Variants in DLGAP2 observed in about 807,000 individuals in gnomAD.
DLGAP2 encodes disks large-associated protein 2.
In DLGAP2, 26 loss-of-function variants were observed where a neutral mutation model predicts 100.3. The ratio of observed to expected loss-of-function variants is 0.26; its 90% CI spans 0.19 to 0.36. The LOEUF is 0.36. Ranked by LOEUF, DLGAP2 falls within the 10% of genes least tolerant of loss-of-function variation. The probability of loss-of-function intolerance (pLI) is 1.00; values close to 1 mark genes in which losing one functional copy is unlikely to be tolerated. For missense variants in DLGAP2, 1,858 were observed against 1,453.2 expected, an observed-to-expected ratio of 1.28 and a Z score of -4.53; for synonymous variants, 886 against 630.1, an observed-to-expected ratio of 1.41 and a Z score of -6.08.
intron 2 of DLGAP2, among the ~76,000 whole-genome samples, chr8:1,202,782 C>T (rs1400838664): frequency 6.6e-6 from 1 of 152,206 alleles, no homozygotes; most frequent in African/African-American, 2.4e-5. Flanking sequence ...CTTGAATCCA[C>T]CCAAATGACA....
At chr8:1,548,470 A>AAC (rs1476272261) in intron 4 of DLGAP2, among the ~76,000 whole-genome samples, 156 bp from the exon 5 acceptor site, 3 of 149,676 alleles carry the variant, frequency 2.0e-5, no homozygotes, top group Non-Finnish European at 4.5e-5. Context: ...AAAAAAAAAA[A>AAC]AAAAAAAAAA....
In DLGAP2 at chr8:1,683,834, C is replaced by CTATATATATATATA. The variant is rs35210879; in HGVS notation, c.2704+5215_2704+5228dup. ...CCTGATTTTCCTTGTCTTTGCTCCA[C>CTATATATATATATA]TATATATATATATATATATATATGT... On this transcript the variant is annotated intron_variant, in intron 12 of 14. Transcript: ENST00000637795. 5.3e-4 allele frequency among the ~76,000 whole-genome samples: 30 copies of CTATATATATATATA among 56,152 alleles called. 1 individual carries two copies. Among genetic ancestry groups the CTATATATATATATA allele is most frequent in the Middle Eastern group, 7.8e-3 (1 of 128 alleles). 36.8% of individuals were successfully genotyped at this position (56,152 alleles called of 152,430 possible).
chr8:1,653,192 G>A (rs1002713421), intron 8 of DLGAP2, among the ~76,000 whole-genome samples: 3 of 152,150 alleles, frequency 2.0e-5, no homozygotes. Context: ...GTAGGGAGCC[G>A]ACAATCCTCA....
Position 1,346,134 on chromosome 8 carries a change from C to T in DLGAP2, c.106+87251C>T, listed in dbSNP as rs116926980. Among the ~76,000 whole-genome samples, 243 of 152,278 alleles carry T rather than the reference C, an allele frequency of 1.6e-3. 10 individuals carry two copies. The East Asian group carries it at 0.04, about 25-fold the overall frequency. ...GGTGTCTGTGTGGAAGTCAAAAGCC[C>T]ATACACGTCTGCACTGCTCTGATGG... On this transcript the variant is annotated intron_variant, in intron 3 of 14. Coordinates refer to ENST00000637795, the MANE Select transcript of DLGAP2 (RefSeq NM_001346810.2).
chr8:1,442,391 C>T (rs917876871), intron 3 of DLGAP2, among the ~76,000 whole-genome samples: 6 of 147,708 alleles, frequency 4.1e-5, no homozygotes, highest in Admixed American at 6.8e-5. Context: ...CTGGAGGAGA[C>T]GGATCCGGGC....
chr8:1,601,042 C>T (rs566438419), intron 6 of DLGAP2, among the ~76,000 whole-genome samples: 5 of 152,250 alleles, frequency 3.3e-5, no homozygotes, highest in Non-Finnish European at 4.4e-5. Context: ...TGGTGACTTT[C>T]GGATAGGGTT....
chr8:906,310 G>A (rs534881431), intron 1 of DLGAP2, among the ~76,000 whole-genome samples: 15 of 152,226 alleles, frequency 9.9e-5, no homozygotes, highest in Non-Finnish European at 1.8e-4. Flanking sequence ...GCCTCCCTGT[G>A]GAAACGTGTG....
intron 6 of DLGAP2, among the ~76,000 whole-genome samples, chr8:1,593,755 G>A (rs924893043): frequency 6.6e-6 from 1 of 152,168 alleles, no homozygotes; most frequent in Admixed American, 6.5e-5. Context: ...GCCCACTCTG[G>A]TTGCCTGGGG....
At chr8:1,182,221 G>A (rs935694728) in intron 2 of DLGAP2, among the ~76,000 whole-genome samples, 11 of 152,202 alleles carry the variant, frequency 7.2e-5, no homozygotes, top group African/African-American at 1.2e-4. Flanking sequence ...ACCACTGTGC[G>A]TTCCCAACAG....
intron 1 of DLGAP2, among the ~76,000 whole-genome samples, chr8:782,183 C>T (rs1821708138): frequency 6.6e-6 from 1 of 151,576 alleles, no homozygotes; most frequent in South Asian, 2.1e-4. Flanking sequence ...CCCAGATATG[C>T]ACATTTATTA....
intron 2 of DLGAP2, 36 bp from the exon 3 acceptor site, chr8:1,258,815 G>C (rs1259273243): frequency 7.3e-6 from 9 of 1,231,472 alleles, no homozygotes. Flanking sequence ...TTGAGACCCT[G>C]TGGGTGTAAC....
intron 1 of DLGAP2, among the ~76,000 whole-genome samples, chr8:867,004 C>A (rs941721613): frequency 4.6e-5 from 7 of 152,298 alleles, no homozygotes; most frequent in African/African-American, 1.7e-4. Flanking sequence ...AAATCGAGGG[C>A]CTCTGTCCTT....
intron 2 of DLGAP2, among the ~76,000 whole-genome samples, chr8:983,204 C>G (rs1318472267): frequency 2.6e-5 from 4 of 152,290 alleles, no homozygotes; most frequent in Admixed American, 2.0e-4. Flanking sequence ...CCCTTAGAAT[C>G]CACGTGTTGG....
Position 795,774 on chromosome 8 carries a change from A to G in DLGAP2, c.18+57949A>G, listed in dbSNP as rs75967168. Among the ~76,000 whole-genome samples, 180 of 142,780 alleles carry G rather than the reference A, an allele frequency of 1.3e-3. 31 individuals carry two copies. Among genetic ancestry groups the G allele is most frequent in the African/African-American group, 4.3e-3 (162 of 37,598 alleles). The allele number at this position is 142,780 out of a possible 152,430, so 93.7% of individuals were successfully genotyped here. A position where few individuals can be genotyped will look rare whatever the true frequency, so the allele number is the denominator to read the frequency against. The stretch of plus-strand genomic sequence containing the variant: ...AGGCGTCCAGTGAGAGCAGGCGTCC[A>G]GTGAGAGCAGGCGTCCGGTGAGAAC... On this transcript the variant is annotated intron_variant, in intron 1 of 14. Coordinates refer to ENST00000637795, the MANE Select transcript of DLGAP2 (RefSeq NM_001346810.2).
intron 2 of DLGAP2, among the ~76,000 whole-genome samples, chr8:1,096,565 A>C (rs188088616): frequency 1.1e-3 from 153 of 139,942 alleles, no homozygotes; most frequent in Non-Finnish European, 1.1e-3. Context: ...CAGGAGAGTC[A>C]AGCTGGGAGC....
intron 3 of DLGAP2, among the ~76,000 whole-genome samples, chr8:1,305,199 T>G (rs928527493): frequency 6.6e-6 from 1 of 152,172 alleles, no homozygotes; most frequent in African/African-American, 2.4e-5. Flanking sequence ...TAGTTTAGTT[T>G]CCTCCTTTAA....
At chr8:1,691,391 C>CA in intron 12 of DLGAP2, 144 bp from the exon 13 acceptor site, 1 of 657,008 alleles carries the variant, frequency 1.5e-6, no homozygotes, top group Non-Finnish European at 2.6e-6. Context: ...AGGCACGAGT[C>CA]ACCAGCGAAC....
At chr8:1,043,273 T>A in intron 2 of DLGAP2, among the ~76,000 whole-genome samples, 1 of 101,976 alleles carries the variant, frequency 9.8e-6, no homozygotes, top group Non-Finnish European at 2.0e-5. Flanking sequence ...TGGATGTGGG[T>A]GGTGGACGTG....
In DLGAP2 at chr8:1,017,404, TGTG is replaced by T. The variant is rs1801483723; in HGVS notation, c.73+109439_73+109441del. On this transcript the variant is annotated intron_variant, in intron 2 of 14. Transcript: ENST00000637795. Reference sequence around the variant, plus strand: ...GGACAGACGATGCCTCCACTGTGTGTGTGACCAGGACAGACGGCGCCTCCACTG... The same window carrying T: ...GGACAGACGATGCCTCCACTGTGTGTACCAGGACAGACGGCGCCTCCACTG... 1.2e-4 allele frequency among the ~76,000 whole-genome samples: 4 copies of T among 32,426 alleles called. 2 individuals carry two copies. The highest frequency in any genetic ancestry group is 9.3e-4 in the African/African-American group (4 of 4,284). The allele number at this position is 32,426 out of a possible 152,430, so 21.3% of individuals were successfully genotyped here. A position where few individuals can be genotyped will look rare whatever the true frequency, so the allele number is the denominator to read the frequency against.
Sources: gnomAD v4.1 joint callset for allele counts (sites outside exome capture counted in the v4.1 genomes callset) on GRCh38, gnomAD v4.1.1 for gene constraint, MANE v1.5 for transcripts, NCBI Gene and HGNC (gene_info 2026-07-23, HGNC 2026-07-21) for gene names.